The following EPB41L3 variants were observed in gnomAD, a reference collection of about 807,000 sequenced individuals.
EPB41L3 encodes the protein band 4.1-like protein 3.
A neutral mutation model predicts 127.1 loss-of-function variants in EPB41L3; 57 were observed. The ratio of observed to expected loss-of-function variants is 0.45; its 90% CI spans 0.36 to 0.56. The LOEUF is 0.56. Ranked by LOEUF, EPB41L3 falls within the 20% of genes least tolerant of loss-of-function variation. The probability of loss-of-function intolerance (pLI) is 0.00; values close to 1 mark genes in which losing one functional copy is unlikely to be tolerated. For missense variants in EPB41L3, 1,273 were observed against 1,372.2 expected, an observed-to-expected ratio of 0.93 and a Z score of 1.14; for synonymous variants, 572 against 549.5, an observed-to-expected ratio of 1.04 and a Z score of -0.57.
At chr18:5,469,241 C>T (rs961488596) in intron 3 of EPB41L3, among the ~76,000 whole-genome samples, 3 of 152,218 alleles carry the variant, frequency 2.0e-5, no homozygotes, top group South Asian at 2.1e-4. Context: ...CCTAGAGCCT[C>T]CCTGAGCCAG....
intron 3 of EPB41L3, chr18:5,567,176 C>T (rs1019929882): frequency 2.6e-5 from 4 of 152,270 alleles, no homozygotes; most frequent in Non-Finnish European, 5.9e-5. Flanking sequence ...GCTGTATCTG[C>T]AGCCTTTCTT....
intron 3 of EPB41L3, among the ~76,000 whole-genome samples, chr18:5,587,622 G>A (rs140372650): frequency 1.2e-3 from 185 of 152,264 alleles, no homozygotes; most frequent in African/African-American, 4.3e-3. Flanking sequence ...TGGTAGCATA[G>A]ACCACAAATA....
rs927057873 is a variant in EPB41L3 at position 5,397,825 on chromosome 18, G to A, written c.2472+196C>T. Among the ~76,000 whole-genome samples the A allele has an allele frequency of 6.6e-6, 1 of 152,092 alleles. No individual in the cohort carries two copies. Among genetic ancestry groups the A allele is most frequent in the African/African-American group, 2.4e-5 (1 of 41,390 alleles). ...TCAATATGATCGCCTTTCGAATAGT[G>A]AAGTACATTCTTGAGATGCAACTAA... On this transcript the variant is annotated intron_variant, in intron 17 of 22. Transcript: ENST00000341928. The surrounding 1 kb of genome is among the most constrained non-coding windows in gnomAD (Gnocchi z 4.1).
At position 5,432,548 on chromosome 18, in the gene EPB41L3, T is replaced by G. The variant is rs80170918; in HGVS notation, c.912+921A>C. Among the ~76,000 whole-genome samples the G allele has an allele frequency of 4.1e-3, 619 of 152,306 alleles. 1 individual carries two copies. The highest frequency in any genetic ancestry group is 6.8e-3 in the Middle Eastern group (2 of 294). ...CTAGGATCCTAACACATTTTACATGTTTTGCTAATAAAAGTTTTCATAAAA... is the reference window on the plus strand; with the variant it reads ...CTAGGATCCTAACACATTTTACATGGTTTGCTAATAAAAGTTTTCATAAAA... On this transcript the variant is annotated intron_variant, in intron 8 of 22. Transcript: ENST00000341928.
chr18:5,574,483 T>G (rs2094317726), intron 3 of EPB41L3, among the ~76,000 whole-genome samples: 1 of 152,038 alleles, frequency 6.6e-6, no homozygotes, highest in East Asian at 1.9e-4. Flanking sequence ...ATCAGTTTTT[T>G]TTTAAGTGTA....
At chr18:5,409,930 A>T (rs905991054) in intron 14 of EPB41L3, among the ~76,000 whole-genome samples, 2 of 152,132 alleles carry the variant, frequency 1.3e-5, no homozygotes, top group Non-Finnish European at 1.5e-5. Flanking sequence ...AACCCTAAAG[A>T]AAAAAGGAGA....
intron 2 of EPB41L3, among the ~76,000 whole-genome samples, chr18:5,484,642 T>C (rs2148135172): frequency 6.6e-6 from 1 of 151,110 alleles, no homozygotes; most frequent in East Asian, 1.9e-4. Context: ...AAATCAGACA[T>C]GAAAAAGGAG....
chr18:5,561,683 A>C (rs908800175), intron 3 of EPB41L3, among the ~76,000 whole-genome samples: 1 of 152,206 alleles, frequency 6.6e-6, no homozygotes, highest in Non-Finnish European at 1.5e-5. Context: ...TAGTGGTTGG[A>C]AATTTAAGCT....
chr18:5,463,000 G>A (rs1424537146), intron 3 of EPB41L3, among the ~76,000 whole-genome samples: 4 of 151,998 alleles, frequency 2.6e-5, no homozygotes, highest in South Asian at 2.1e-4. Context: ...CACAAATCTC[G>A]AAGTCATTAT....
intron 5 of EPB41L3, among the ~76,000 whole-genome samples, chr18:5,443,517 G>C (rs892110908): frequency 1.2e-4 from 18 of 152,132 alleles, no homozygotes; most frequent in Admixed American, 3.3e-4. Flanking sequence ...CTTTCATCTG[G>C]CCTTTCATAC....
At chr18:5,501,055 C>T (rs969459960) in intron 1 of EPB41L3, among the ~76,000 whole-genome samples, 1 of 151,996 alleles carries the variant, frequency 6.6e-6, no homozygotes, top group Non-Finnish European at 1.5e-5. Flanking sequence ...TTGTATCTTG[C>T]CTTTTAAAGG....
intron 1 of EPB41L3, among the ~76,000 whole-genome samples, chr18:5,499,844 T>C (rs1179858696): frequency 2.0e-5 from 3 of 149,864 alleles, no homozygotes; most frequent in Non-Finnish European, 1.5e-5. Context: ...TATATATATA[T>C]ATATGGCATT....
chr18:5,602,493 G>T (rs996841439), intron 3 of EPB41L3, among the ~76,000 whole-genome samples: 1 of 152,128 alleles, frequency 6.6e-6, no homozygotes, highest in Non-Finnish European at 1.5e-5. Context: ...TCATTCTGTT[G>T]CCCAGGCTGG....
At chr18:5,575,298 C>T (rs1285847718) in intron 3 of EPB41L3, among the ~76,000 whole-genome samples, 3 of 152,070 alleles carry the variant, frequency 2.0e-5, no homozygotes, top group African/African-American at 7.2e-5. Context: ...ATGTGATCTC[C>T]AGTGTTGGAG....
intron 3 of EPB41L3, among the ~76,000 whole-genome samples, chr18:5,559,171 C>G (rs1239502265): frequency 2.6e-5 from 4 of 152,138 alleles, no homozygotes; most frequent in Non-Finnish European, 4.4e-5. Flanking sequence ...TACAGTTGAA[C>G]AGTTACACCA....
intron 4 of EPB41L3, among the ~76,000 whole-genome samples, chr18:5,444,852 C>A (rs987814227): frequency 3.3e-5 from 5 of 152,062 alleles, no homozygotes; most frequent in Admixed American, 6.6e-5. Context: ...CCCAACCCCA[C>A]CCCGGCAAAA....
At chr18:5,534,718 G>T (rs562754810) in intron 1 of EPB41L3, among the ~76,000 whole-genome samples, 27 of 152,222 alleles carry the variant, frequency 1.8e-4, no homozygotes, top group African/African-American at 6.5e-4. Context: ...AAGCAAAGAG[G>T]ACAACAGCAT....
intron 6 of EPB41L3, among the ~76,000 whole-genome samples, chr18:5,437,532 A>T (rs1185202351): frequency 1.3e-5 from 2 of 152,364 alleles, no homozygotes; most frequent in Non-Finnish European, 2.9e-5. Flanking sequence ...TACCAAACTG[A>T]AATATTTTAA....
chr18:5,561,524 A>G (rs1220416029), intron 3 of EPB41L3, among the ~76,000 whole-genome samples: 2 of 152,210 alleles, frequency 1.3e-5, no homozygotes, highest in Admixed American at 1.3e-4. Flanking sequence ...TAAATGAACC[A>G]AAAAATAAAA....
Sources: allele counts gnomAD v4.1 joint callset (sites outside exome capture counted in the v4.1 genomes callset), GRCh38; gene constraint gnomAD v4.1.1; non-coding constraint Gnocchi (gnomAD v3.1); transcripts MANE v1.5; gene names NCBI Gene and HGNC (gene_info 2026-07-23, HGNC 2026-07-21).